Variants in PHACTR1 observed in about 807,000 individuals in gnomAD.
PHACTR1 encodes the protein RPEL repeat containing 1.
Under a neutral mutation model 69.2 loss-of-function variants are expected in PHACTR1, and 16 were observed. The ratio of observed to expected loss-of-function variants is 0.23; its 90% confidence interval spans 0.16 to 0.35. PHACTR1 has a LOEUF of 0.35. PHACTR1 is among the 10% of genes least tolerant of loss of function. PHACTR1 has a pLI of 1.00. For missense variants in PHACTR1, 510 were observed against 734.7 expected, an observed-to-expected ratio of 0.69 and a Z score of 3.54; for synonymous variants, 312 against 284.5, an observed-to-expected ratio of 1.10 and a Z score of -0.97.
intron 3 of PHACTR1, among the ~76,000 whole-genome samples, chr6:12,729,596 C>T (rs1364511936): frequency 1.3e-5 from 2 of 152,198 alleles, no homozygotes; most frequent in East Asian, 1.9e-4. Flanking sequence ...GGTCATGGCA[C>T]GTGAGGCTGT....
At chr6:12,796,212 C>T (rs777676222) in intron 4 of PHACTR1, among the ~76,000 whole-genome samples, 4 of 152,168 alleles carry the variant, frequency 2.6e-5, no homozygotes, top group Admixed American at 6.5e-5. Context: ...CTTTGACTTA[C>T]GTAAGCATGG....
chr6:13,220,270 C>T (rs1157991308), intron 8 of PHACTR1, among the ~76,000 whole-genome samples: 1 of 152,174 alleles, frequency 6.6e-6, no homozygotes, highest in African/African-American at 2.4e-5. Context: ...GAATGCTGTT[C>T]AGTTTCTGCA....
chr6:12,827,676 T>C (rs1776954416), intron 4 of PHACTR1, among the ~76,000 whole-genome samples: 1 of 152,188 alleles, frequency 6.6e-6, no homozygotes, highest in East Asian at 1.9e-4. Context: ...TGACAGATAT[T>C]CTTGGAGCTG....
At chr6:13,102,165 A>G (rs1815269669) in intron 5 of PHACTR1, among the ~76,000 whole-genome samples, 1 of 152,214 alleles carries the variant, frequency 6.6e-6, no homozygotes, top group Non-Finnish European at 1.5e-5. Context: ...CCCAGAGGGC[A>G]AAGGAGTTGC....
At chr6:12,891,639 T>A (rs1399289124) in intron 4 of PHACTR1, among the ~76,000 whole-genome samples, 1 of 152,216 alleles carries the variant, frequency 6.6e-6, no homozygotes, top group Admixed American at 6.5e-5. Flanking sequence ...AGTTCCACAA[T>A]GTTTGGTGCT....
At chr6:13,261,459 T>A (rs1775896957) in intron 10 of PHACTR1, among the ~76,000 whole-genome samples, 1 of 152,168 alleles carries the variant, frequency 6.6e-6, no homozygotes. Context: ...GGTGAACAAG[T>A]GAGAGGTTCC....
chr6:12,743,421 G>C (rs1437859131), intron 3 of PHACTR1, among the ~76,000 whole-genome samples: 1 of 152,028 alleles, frequency 6.6e-6, no homozygotes, highest in Non-Finnish European at 1.5e-5. Flanking sequence ...CTTTTAAATT[G>C]GCTTTGATGG....
chr6:13,210,911 C>CTTTTT (rs56769825), intron 8 of PHACTR1, among the ~76,000 whole-genome samples: 691 of 72,670 alleles, frequency 9.5e-3, no homozygotes, highest in East Asian at 0.019. Flanking sequence ...TTTATCATTT[C>CTTTTT]TTTTTTTTTT....
intron 4 of PHACTR1, among the ~76,000 whole-genome samples, chr6:12,933,287 T>A (rs928547084): frequency 2.0e-5 from 3 of 152,186 alleles, no homozygotes; most frequent in Non-Finnish European, 2.9e-5. Flanking sequence ...TTTTTCTTAG[T>A]GTAGGAAATT....
intron 10 of PHACTR1, among the ~76,000 whole-genome samples, chr6:13,248,685 G>T (rs111330490): frequency 6.6e-6 from 1 of 152,114 alleles, no homozygotes; most frequent in African/African-American, 2.4e-5. Context: ...ATTAGTAGAC[G>T]GGGCAATAAC....
chr6:12,829,964 AAG>A (rs149861206), intron 4 of PHACTR1, among the ~76,000 whole-genome samples: 4,271 of 99,782 alleles, frequency 0.043, 123 homozygotes, highest in African/African-American at 0.08. Flanking sequence ...TCAAGAAAGA[AAG>A]AGAGAGAGAG....
chr6:12,783,691 C>T (rs1771117949), intron 4 of PHACTR1, among the ~76,000 whole-genome samples: 1 of 152,172 alleles, frequency 6.6e-6, no homozygotes, highest in Non-Finnish European at 1.5e-5. Context: ...ATACAAAAAT[C>T]TTGGAAATTA....
At chr6:13,122,255 C>A (rs909320079) in intron 5 of PHACTR1, among the ~76,000 whole-genome samples, 19 of 152,166 alleles carry the variant, frequency 1.2e-4, no homozygotes, top group African/African-American at 2.4e-5. Flanking sequence ...ATCTAGGTAT[C>A]TTGTATTTTC....
chr6:13,086,375 GT>G (rs1812307425), intron 5 of PHACTR1, among the ~76,000 whole-genome samples: 1 of 151,978 alleles, frequency 6.6e-6, no homozygotes, highest in Non-Finnish European at 1.5e-5. Flanking sequence ...AAATTAACCC[GT>G]TTTCATGTAC....
chr6:13,227,553 T>A (rs1387677032), intron 8 of PHACTR1, among the ~76,000 whole-genome samples: 1 of 152,132 alleles, frequency 6.6e-6, no homozygotes, highest in Admixed American at 6.5e-5. Flanking sequence ...TTATTTCCTA[T>A]CCCACGCCAC....
At chr6:12,924,646 G>A (rs1332987257) in intron 4 of PHACTR1, among the ~76,000 whole-genome samples, 1 of 151,838 alleles carries the variant, frequency 6.6e-6, no homozygotes, top group African/African-American at 2.4e-5. Flanking sequence ...AGGGTGGCAG[G>A]CACCTGTAGT....
chr6:13,090,404 C>A (rs1050346336), intron 5 of PHACTR1, among the ~76,000 whole-genome samples: 39 of 152,064 alleles, frequency 2.6e-4, no homozygotes, highest in African/African-American at 9.4e-4. Flanking sequence ...TGGCTTACTG[C>A]AACCTCTGCC....
At chr6:13,281,958 G>A (rs578290) in intron 12 of PHACTR1, among the ~76,000 whole-genome samples, 27,606 of 152,252 alleles carry the variant, frequency 0.18, 6,411 homozygotes, top group African/African-American at 0.54. Flanking sequence ...CCTGCCTTTG[G>A]CTGAGAGGGA....
chr6:12,996,485 C>T (rs1003164613), intron 4 of PHACTR1, among the ~76,000 whole-genome samples: 2 of 152,082 alleles, frequency 1.3e-5, no homozygotes, highest in African/African-American at 4.8e-5. Flanking sequence ...TCTAGATAAA[C>T]TATAAACTAC....
Sources: gnomAD v4.1 joint callset for allele counts (sites outside exome capture counted in the v4.1 genomes callset) on GRCh38, gnomAD v4.1.1 for gene constraint, MANE v1.5 for transcripts, NCBI Gene and HGNC (gene_info 2026-07-23, HGNC 2026-07-21) for gene names.